SEMA3D: variants seen among roughly 807,000 people sequenced by gnomAD.
SEMA3D encodes semaphorin-3D.
Under a neutral mutation model 100.1 loss-of-function variants are expected in SEMA3D, and 84 were observed. That is an observed-to-expected ratio of 0.84 (90% CI 0.70 to 1.01). The LOEUF (loss-of-function observed/expected upper bound fraction) is 1.01. Among genes scored for constraint, SEMA3D ranks in the 50% least tolerant of loss-of-function variants. The pLI is 0.00. For synonymous variants in SEMA3D, 312 were observed against 320.7 expected, an observed-to-expected ratio of 0.97 and a Z score of 0.29; for missense variants, 875 against 934.1, an observed-to-expected ratio of 0.94 and a Z score of 0.82.
chr7:85,149,795 A>C (rs901823588), intron 2 of SEMA3D, among the ~76,000 whole-genome samples: 4 of 152,156 alleles, frequency 2.6e-5, no homozygotes, highest in African/African-American at 9.7e-5. Flanking sequence ...TTCCAAAACT[A>C]TGTGCAAGAC....
chr7:85,126,483 T>A (rs1434704313), intron 2 of SEMA3D, among the ~76,000 whole-genome samples: 4 of 151,396 alleles, frequency 2.6e-5, no homozygotes, highest in Non-Finnish European at 5.9e-5. Context: ...TTTAATTTTA[T>A]AAAGAGCTCT....
chr7:85,158,750 A>T (rs192777335), intron 1 of SEMA3D, among the ~76,000 whole-genome samples: 258 of 152,170 alleles, frequency 1.7e-3, no homozygotes, highest in Middle Eastern at 0.01. Flanking sequence ...CCCACATGTG[A>T]TGTCTCCTCT....
At chr7:85,024,656 T>C (rs1790343654) in intron 12 of SEMA3D, among the ~76,000 whole-genome samples, 1 of 152,042 alleles carries the variant, frequency 6.6e-6, no homozygotes, top group African/African-American at 2.4e-5. Context: ...TGGCAGCTTT[T>C]CCTCATGGCA....
At chr7:85,013,109 C>G (rs984038036) in intron 16 of SEMA3D, among the ~76,000 whole-genome samples, 10 of 151,482 alleles carry the variant, frequency 6.6e-5, no homozygotes, top group Non-Finnish European at 1.2e-4. Flanking sequence ...ATTTTTTTCA[C>G]AAATTATTCA....
intron 17 of SEMA3D, among the ~76,000 whole-genome samples, chr7:85,012,130 A>T (rs1789972446): frequency 6.6e-6 from 1 of 151,430 alleles, no homozygotes; most frequent in Non-Finnish European, 1.5e-5. Context: ...TTCTTTCAAG[A>T]TCTTCTATTC....
intron 5 of SEMA3D, among the ~76,000 whole-genome samples, chr7:85,073,739 C>A (rs1791842566): frequency 6.6e-6 from 1 of 152,200 alleles, no homozygotes; most frequent in Non-Finnish European, 1.5e-5. Flanking sequence ...GATGCCCTAC[C>A]ACTTATTGCC....
chr7:85,049,256 A>G (rs899175919), intron 9 of SEMA3D, among the ~76,000 whole-genome samples: 3 of 151,726 alleles, frequency 2.0e-5, no homozygotes, highest in African/African-American at 7.3e-5. Context: ...CTTTCAAGGC[A>G]ATTTTTTTTT....
chr7:85,031,632 C>T (rs1222492961), intron 12 of SEMA3D, among the ~76,000 whole-genome samples: 1 of 151,892 alleles, frequency 6.6e-6, no homozygotes, highest in Non-Finnish European at 1.5e-5. Flanking sequence ...CCAGTCATAA[C>T]AATTCATAAA....
At chr7:85,119,830 A>T (rs1469546995) in intron 3 of SEMA3D, among the ~76,000 whole-genome samples, 1 of 152,136 alleles carries the variant, frequency 6.6e-6, no homozygotes, top group Non-Finnish European at 1.5e-5. Flanking sequence ...AACTTTTAAA[A>T]TTCTGGGTGG....
chr7:85,010,319 A>G (rs1050698290), intron 17 of SEMA3D, among the ~76,000 whole-genome samples: 3 of 151,850 alleles, frequency 2.0e-5, no homozygotes, highest in Non-Finnish European at 4.4e-5. Flanking sequence ...CAATTGTTCT[A>G]AGAAGCTATT....
chr7:85,168,619 T>A (rs923004238), intron 1 of SEMA3D, among the ~76,000 whole-genome samples: 3 of 18,322 alleles, frequency 1.6e-4, no homozygotes, highest in East Asian at 0.042. Flanking sequence ...TTTCTGCAAT[T>A]TTTTTTTTTT....
chr7:85,039,550 G>A (rs531773073), intron 11 of SEMA3D, among the ~76,000 whole-genome samples: 2 of 152,236 alleles, frequency 1.3e-5, no homozygotes, highest in South Asian at 4.1e-4. Context: ...ATGAGCCATC[G>A]TGCCCACCGA....
At chr7:85,149,910 C>T (rs1790318965) in intron 2 of SEMA3D, among the ~76,000 whole-genome samples, 1 of 152,054 alleles carries the variant, frequency 6.6e-6, no homozygotes, top group Admixed American at 6.6e-5. Flanking sequence ...GTATTAACCA[C>T]TAGTCAAGCT....
At chr7:85,050,196 C>G (rs996954576) in intron 9 of SEMA3D, among the ~76,000 whole-genome samples, 1 of 151,500 alleles carries the variant, frequency 6.6e-6, no homozygotes, top group Non-Finnish European at 1.5e-5. Context: ...TAAATAGACA[C>G]AAATCTTTTC....
intron 7 of SEMA3D, among the ~76,000 whole-genome samples, chr7:85,066,913 C>CACACACACACACACACACAG: frequency 1.2e-4 from 15 of 127,822 alleles, no homozygotes; most frequent in African/African-American, 4.7e-4. Flanking sequence ...CACACACACA[C>CACACACACACACACACACAG]AGAGAGAGAG....
intron 9 of SEMA3D, among the ~76,000 whole-genome samples, chr7:85,048,238 C>A (rs916348446): frequency 6.6e-6 from 1 of 151,706 alleles, no homozygotes; most frequent in Non-Finnish European, 1.5e-5. Flanking sequence ...TATAATAGAT[C>A]CCACAGCAAC....
At chr7:85,150,369 T>TATATA (rs1562836165) in intron 2 of SEMA3D, among the ~76,000 whole-genome samples, 113 of 94,716 alleles carry the variant, frequency 1.2e-3, no homozygotes, top group African/African-American at 3.9e-3. Flanking sequence ...ATATATATAT[T>TATATA]ATATATATAT....
intron 4 of SEMA3D, among the ~76,000 whole-genome samples, chr7:85,093,473 T>A (rs1316605108): frequency 2.0e-5 from 3 of 152,024 alleles, no homozygotes; most frequent in African/African-American, 7.2e-5. Context: ...ATAATGCCAA[T>A]CCCAAGAGTG....
At chr7:85,111,075 T>A (rs1789079887) in intron 3 of SEMA3D, among the ~76,000 whole-genome samples, 1 of 152,052 alleles carries the variant, frequency 6.6e-6, no homozygotes, top group South Asian at 2.1e-4. Context: ...ACTCCTAATT[T>A]TTCTCCTATA....
Sources: allele counts gnomAD v4.1 joint callset (sites outside exome capture counted in the v4.1 genomes callset), GRCh38; gene constraint gnomAD v4.1.1; transcripts MANE v1.5; gene names NCBI Gene and HGNC (gene_info 2026-07-23, HGNC 2026-07-21).